Variants in SNCAIP observed in about 807,000 individuals in gnomAD.
SNCAIP encodes synuclein alpha interacting protein, also known as synphilin-1.
In SNCAIP, 43 loss-of-function variants were observed where a neutral mutation model predicts 86.7. The observed-to-expected ratio is 0.50, with a 90% CI of 0.39 to 0.64. SNCAIP has a LOEUF of 0.64. SNCAIP is among the 30% of genes least tolerant of loss of function. The pLI, the probability that SNCAIP is intolerant of heterozygous loss-of-function variation, is 0.00. For missense variants in SNCAIP, 981 were observed against 1,103.1 expected, an observed-to-expected ratio of 0.89 and a Z score of 1.57; for synonymous variants, 417 against 427.2, an observed-to-expected ratio of 0.98 and a Z score of 0.29.
At position 122,428,058 on chromosome 5, in the gene SNCAIP, G is replaced by A. The variant is rs1777697863; in HGVS notation, c.1182+2527G>A. ...AATTGGAAAGAAATATTTCTAAAAG[G>A]TGAGAGCAGTCTGTTTTCTAAAACA... is the stretch of plus-strand genomic sequence containing the variant. On this transcript the variant is annotated intron_variant, in intron 5 of 10. Coordinates refer to ENST00000261368, the MANE Select transcript of SNCAIP (RefSeq NM_005460.4). Among the ~76,000 whole-genome samples, 11 of 152,256 alleles carry A rather than the reference G, an allele frequency of 7.2e-5. No homozygotes were observed. In the South Asian group the frequency reaches 2.1e-3, roughly 29 times the overall value.
chr5:122,329,110 A>G (rs1013491747), intron 1 of SNCAIP, among the ~76,000 whole-genome samples: 6 of 152,190 alleles, frequency 3.9e-5, no homozygotes, highest in African/African-American at 1.2e-4. Context: ...CACATTTTCA[A>G]TGCTTAGCTT....
intron 1 of SNCAIP, among the ~76,000 whole-genome samples, chr5:122,319,567 G>A (rs1285442664): frequency 1.3e-5 from 2 of 152,106 alleles, no homozygotes; most frequent in Non-Finnish European, 1.5e-5. Flanking sequence ...TGAAAGCTAT[G>A]GATTCTTTCC....
chr5:122,369,096 A>C (rs902615789), intron 1 of SNCAIP, among the ~76,000 whole-genome samples: 3 of 152,194 alleles, frequency 2.0e-5, no homozygotes, highest in African/African-American at 7.2e-5. Context: ...ACTGATCTTC[A>C]TTAAAATAAA....
Position 122,431,996 on chromosome 5 carries a change from A to G in SNCAIP, c.1210A>G (p.Met404Val). 1 of 1,598,676 alleles carries G rather than the reference A, an allele frequency of 6.3e-7. No individual in the cohort carries two copies. Among genetic ancestry groups the G allele is most frequent in the East Asian group, 2.2e-5 (1 of 44,772 alleles). The change falls in exon 6 of 11, where the codon ATG becomes GTG. Residue 404 changes from methionine to valine, a missense_variant. By Grantham distance (21) the Met-to-Val change is conservative. Transcript: ENST00000261368. ...TGGTCAGTTGGAGTGCGTACGCTGG[A>G]TGGTGAGCGAAACAGAAGCCATTGC... ...KNGQLECVRWMVSETEAIAEL... is the reference protein window; with the variant it reads ...KNGQLECVRWVVSETEAIAEL...
At chr5:122,377,494 C>CAGAGAGAG (rs3031391) in intron 1 of SNCAIP, among the ~76,000 whole-genome samples, 8 of 149,276 alleles carry the variant, frequency 5.4e-5, no homozygotes, top group East Asian at 2.0e-4. Context: ...GGGAGACAGA[C>CAGAGAGAG]AGAGAGAGAG....
At chr5:122,318,263 CA>C (rs1477132710) in intron 1 of SNCAIP, among the ~76,000 whole-genome samples, 3 of 152,146 alleles carry the variant, frequency 2.0e-5, no homozygotes, top group Non-Finnish European at 4.4e-5. Flanking sequence ...TCTTCTTTCT[CA>C]AACTATGAAC....
intron 1 of SNCAIP, among the ~76,000 whole-genome samples, chr5:122,358,388 A>C (rs1044617576): frequency 3.3e-5 from 4 of 120,892 alleles, no homozygotes; most frequent in Middle Eastern, 7.1e-3. Context: ...CTGTAAGGGG[A>C]CACTTGGAAT....
chr5:122,394,948 C>G lies in SNCAIP; in HGVS notation c.57+3757C>G, dbSNP rs556053656. On this transcript the variant is annotated intron_variant, in intron 2 of 10. Coordinates refer to ENST00000261368, the MANE Select transcript of SNCAIP (RefSeq NM_005460.4). ...AGGCTTAGAGAGCTTGTCTGACATT[C>G]ACAAGGTTACAGGGCCAGGACCTAA... is the stretch of plus-strand genomic sequence containing the variant. Among the ~76,000 whole-genome samples the G allele has an allele frequency of 3.3e-5, 5 of 152,276 alleles. No individual in the cohort carries two copies. In the South Asian group the frequency reaches 1.0e-3, roughly 32 times the overall value.
chr5:122,315,066 GT>G (rs1194116832), intron 1 of SNCAIP, among the ~76,000 whole-genome samples: 1 of 152,190 alleles, frequency 6.6e-6, no homozygotes, highest in Non-Finnish European at 1.5e-5. Flanking sequence ...TGTTATATCA[GT>G]TATTCATTGC....
rs546779078 is a variant in SNCAIP, at chr5:122,414,179, G to A, written c.131-8689G>A. Among the ~76,000 whole-genome samples the A allele has an allele frequency of 2.6e-5, 4 of 151,912 alleles. No individual in the cohort carries two copies. The South Asian group carries it at 8.3e-4, about 32-fold the overall frequency. Reference sequence around the variant, plus strand: ...CTGCCTCAACCCCCCAAAGCACTGAGATGACAGGTCTGAGCCAGTGCGCCC... The same window carrying A: ...CTGCCTCAACCCCCCAAAGCACTGAAATGACAGGTCTGAGCCAGTGCGCCC... On this transcript the variant is annotated intron_variant, in intron 3 of 10. Transcript: ENST00000261368.
At position 122,423,523 on chromosome 5, in the gene SNCAIP, A is replaced by C. The variant is rs147831994; in HGVS notation, c.786A>C (p.Thr262=). The C allele has an allele frequency of 8.1e-5, 131 of 1,614,090 alleles. No individual in the cohort carries two copies. The highest frequency in any genetic ancestry group is 1.6e-4 in the Middle Eastern group (1 of 6,084). Residue 262 remains threonine (T), a synonymous_variant, in exon 4 of 11, where the codon ACA becomes ACC. Coordinates refer to ENST00000261368, the MANE Select transcript of SNCAIP (RefSeq NM_005460.4). ...ENQSKDFLNK[T]FSDPHGRKVE... is the part of the protein sequence containing the mutation. ...AGAGTAAAGACTTCCTAAACAAGAC[A>C]TTTAGTGATCCTCATGGTCGAAAAG...
chr5:122,437,310 T>C (rs1254641000), intron 6 of SNCAIP: 1 of 152,200 alleles, frequency 6.6e-6, no homozygotes, highest in Non-Finnish European at 1.5e-5. Context: ...TCCACAGGCA[T>C]GGTCCCCAGA....
At chr5:122,404,168 G>T (rs1458008749) in intron 3 of SNCAIP, among the ~76,000 whole-genome samples, 2 of 152,104 alleles carry the variant, frequency 1.3e-5, no homozygotes, top group African/African-American at 4.8e-5. Context: ...GAAAACCCGA[G>T]AAACCATTGG....
chr5:122,335,654 A>G (rs1365907422), intron 1 of SNCAIP, among the ~76,000 whole-genome samples: 4 of 152,200 alleles, frequency 2.6e-5, no homozygotes. Context: ...AAGGAGTCAG[A>G]GCAGGCAAAA....
At chr5:122,356,024 A>G (rs1760930874) in intron 1 of SNCAIP, among the ~76,000 whole-genome samples, 1 of 151,550 alleles carries the variant, frequency 6.6e-6, no homozygotes, top group South Asian at 2.1e-4. Flanking sequence ...ATGTTTAAAT[A>G]TATGTAGATT....
chr5:122,412,069 C>T (rs1006396305), intron 3 of SNCAIP, among the ~76,000 whole-genome samples: 2 of 152,180 alleles, frequency 1.3e-5, no homozygotes, highest in Non-Finnish European at 2.9e-5. Context: ...CTGCCAGTCA[C>T]GTCAAGGAGC....
intron 1 of SNCAIP, among the ~76,000 whole-genome samples, chr5:122,328,720 A>T (rs1043764981): frequency 1.3e-5 from 2 of 152,150 alleles, no homozygotes; most frequent in Non-Finnish European, 2.9e-5. Context: ...TTTGCTAGTA[A>T]ATTTTTCGTA....
chr5:122,450,550 C>T lies in SNCAIP; in HGVS notation c.1703C>T (p.Ala568Val). 6.2e-7 allele frequency: 1 copy of T among 1,613,624 alleles called. No homozygotes were observed. The highest frequency in any genetic ancestry group is 8.5e-7 in the Non-Finnish European group (1 of 1,179,562). Residue 568 changes from alanine to valine, a missense_variant, in exon 10 of 11, where the codon GCC (alanine) becomes GTC (valine). Ala to Val is a moderately conservative substitution (Grantham distance 64). Transcript: ENST00000261368. ...CTTTTTAGTTCACCATCCTCACCTG[C>T]CTCCAGAAAGTCCCAGTGGAAATCT... ...PSSPSSPSSP[A>V]SRKSQWKSPD...
chr5:122,340,439 T>G (rs1013945662), intron 1 of SNCAIP, among the ~76,000 whole-genome samples: 36 of 152,204 alleles, frequency 2.4e-4, no homozygotes, highest in African/African-American at 8.2e-4. Context: ...GGAATGGGAA[T>G]AAGTAGAAGA....
Sources: gnomAD v4.1 joint callset for allele counts (sites outside exome capture counted in the v4.1 genomes callset) on GRCh38, gnomAD v4.1.1 for gene constraint, MANE v1.5 for transcripts, NCBI Gene and HGNC (gene_info 2026-07-23, HGNC 2026-07-21) for gene names.